Variants in GRIA1 observed in about 807,000 individuals in gnomAD.
GRIA1 encodes glutamate ionotropic receptor AMPA type subunit 1.
GRIA1 carries 31 observed loss-of-function variants against 99.2 expected under a neutral mutation model. The ratio of observed to expected loss-of-function variants is 0.31; its 90% CI spans 0.23 to 0.42. The LOEUF (loss-of-function observed/expected upper bound fraction) is 0.42, where lower values mean the gene tolerates loss of function less well. GRIA1 is among the 10% of genes least tolerant of loss of function. The pLI, the probability that GRIA1 is intolerant of heterozygous loss-of-function variation, is 1.00. For synonymous variants in GRIA1, 438 were observed against 432.4 expected (o/e 1.01, Z -0.16); for missense variants, 782 against 1,157.5 (o/e 0.68, Z 4.71).
At chr5:153,736,290 G>T (rs1761373425) in intron 11 of GRIA1, among the ~76,000 whole-genome samples, 1 of 152,280 alleles carries the variant, frequency 6.6e-6, no homozygotes, top group Non-Finnish European at 1.5e-5. Flanking sequence ...TCTATAAAGA[G>T]ACTGAACTCA....
intron 10 of GRIA1, among the ~76,000 whole-genome samples, chr5:153,699,321 G>A (rs1200751986): frequency 3.3e-5 from 5 of 152,216 alleles, no homozygotes. Context: ...CAACACAGGT[G>A]ACAGCATAGC....
At chr5:153,515,085 T>C (rs1448411051) in intron 2 of GRIA1, among the ~76,000 whole-genome samples, 2 of 152,214 alleles carry the variant, frequency 1.3e-5, no homozygotes, top group Admixed American at 1.3e-4. Context: ...ATTATCATGA[T>C]TCAACCAATT....
chr5:153,682,204 C>A (rs1353115461), intron 7 of GRIA1, among the ~76,000 whole-genome samples: 3 of 152,082 alleles, frequency 2.0e-5, no homozygotes, highest in Non-Finnish European at 4.4e-5. Flanking sequence ...CCAGCAAGGA[C>A]CTAGTCTACA....
chr5:153,764,683 G>C, intron 12 of GRIA1, 51 bp downstream of exon 12: 1 of 1,303,406 alleles, frequency 7.7e-7, no homozygotes, highest in South Asian at 1.2e-5. Context: ...AACCACAACT[G>C]TCATTAAAAT....
chr5:153,720,112 A>G (rs1389786566), intron 11 of GRIA1, among the ~76,000 whole-genome samples: 1 of 152,226 alleles, frequency 6.6e-6, no homozygotes, highest in South Asian at 2.1e-4. Context: ...TAAAATACAT[A>G]TAGTTTCTTA....
intron 8 of GRIA1, among the ~76,000 whole-genome samples, chr5:153,693,474 C>CTG (rs1054719438): frequency 2.0e-5 from 3 of 152,092 alleles, no homozygotes. Context: ...AGGTAAGGGG[C>CTG]TGTGGTCTCA....
chr5:153,649,523 T>C (rs1031090886), intron 3 of GRIA1, among the ~76,000 whole-genome samples: 4 of 152,328 alleles, frequency 2.6e-5, no homozygotes, highest in Admixed American at 6.5e-5. Context: ...AATGGCACGA[T>C]GTGGGCTCAC....
intron 11 of GRIA1, among the ~76,000 whole-genome samples, chr5:153,748,310 G>A (rs1037844662): frequency 6.6e-6 from 1 of 152,190 alleles, no homozygotes; most frequent in Admixed American, 6.5e-5. Flanking sequence ...CAATTTCAGG[G>A]AAGTGAGTTC....
upstream of GRIA1, chr5:153,489,929 T>C: frequency 2.2e-6 from 1 of 447,650 alleles, no homozygotes; most frequent in Non-Finnish European, 4.5e-6. Context: ...GGGCCCATTT[T>C]AAATGCCTAG....
intron 12 of GRIA1, among the ~76,000 whole-genome samples, chr5:153,769,484 G>A (rs934543643): frequency 2.6e-5 from 4 of 152,068 alleles, no homozygotes; most frequent in Non-Finnish European, 2.9e-5. Context: ...GGAAAAAACA[G>A]TGCAAGCAAA....
intron 8 of GRIA1, among the ~76,000 whole-genome samples, chr5:153,687,923 A>G (rs894696007): frequency 6.6e-6 from 1 of 152,206 alleles, no homozygotes; most frequent in Non-Finnish European, 1.5e-5. Flanking sequence ...CAGAAGTCTG[A>G]CTTGAGTTTC....
At position 153,526,386 on chromosome 5, in the gene GRIA1, A is replaced by G. The variant is rs1019731369; in HGVS notation, c.220+32321A>G. On this transcript the variant is annotated intron_variant, in intron 2 of 15. Transcript: ENST00000285900. ...GCAAAATGTATATTTTAAAGGACTCATATTCTAAGCTTATACTCTTTTTTT... is the reference window on the plus strand; with the variant it reads ...GCAAAATGTATATTTTAAAGGACTCGTATTCTAAGCTTATACTCTTTTTTT... Among the ~76,000 whole-genome samples the G allele has an allele frequency of 7.2e-5, 11 of 152,344 alleles. 1 individual carries two copies. Among genetic ancestry groups the G allele is most frequent in the Middle Eastern group, 3.4e-3 (1 of 294 alleles).
intron 13 of GRIA1, among the ~76,000 whole-genome samples, chr5:153,783,726 A>T (rs889938242): frequency 2.6e-5 from 4 of 152,210 alleles, no homozygotes; most frequent in African/African-American, 9.6e-5. Flanking sequence ...TTCAACAAAC[A>T]TTTATGAAGC....
intron 2 of GRIA1, among the ~76,000 whole-genome samples, chr5:153,563,062 G>C (rs1186498471): frequency 6.6e-6 from 1 of 151,892 alleles, no homozygotes; most frequent in South Asian, 2.1e-4. Context: ...TGTAATCCCA[G>C]CTCCTTGGGA....
intron 2 of GRIA1, among the ~76,000 whole-genome samples, chr5:153,588,007 A>C (rs115273737): frequency 6.6e-6 from 1 of 152,232 alleles, no homozygotes. Context: ...GTTCTAAAAA[A>C]TGAGAAAGCA....
intron 13 of GRIA1, among the ~76,000 whole-genome samples, chr5:153,788,280 C>T (rs192293238): frequency 6.6e-6 from 1 of 152,242 alleles, no homozygotes; most frequent in Admixed American, 6.5e-5. Context: ...GAACGTACAG[C>T]CTCTCTTCTT....
At chr5:153,728,500 T>C (rs1307627296) in intron 11 of GRIA1, among the ~76,000 whole-genome samples, 1 of 111,706 alleles carries the variant, frequency 9.0e-6, no homozygotes, top group Non-Finnish European at 1.8e-5. Flanking sequence ...AAAGGGCTAA[T>C]ATCCAGAATC....
At chr5:153,788,322 C>A (rs1332080482) in intron 13 of GRIA1, among the ~76,000 whole-genome samples, 1 of 152,184 alleles carries the variant, frequency 6.6e-6, no homozygotes, top group Non-Finnish European at 1.5e-5. Context: ...ACCTGGGCTC[C>A]TCCACTAGCC....
chr5:153,548,130 T>G (rs1266816356), intron 2 of GRIA1, among the ~76,000 whole-genome samples: 3 of 152,158 alleles, frequency 2.0e-5, no homozygotes, highest in African/African-American at 7.2e-5. Flanking sequence ...TAGCAGGATC[T>G]CAGTCTATGG....
Sources: gnomAD v4.1 joint callset for allele counts (sites outside exome capture counted in the v4.1 genomes callset) on GRCh38, gnomAD v4.1.1 for gene constraint, MANE v1.5 for transcripts, NCBI Gene and HGNC (gene_info 2026-07-23, HGNC 2026-07-21) for gene names.